The following PTGER3 variants were observed in gnomAD, a reference collection of about 807,000 sequenced individuals.
The protein encoded by PTGER3 is prostaglandin E2 receptor EP3 subtype.
PTGER3 carries 22 observed loss-of-function variants against 34.7 expected under a neutral mutation model. The ratio of observed to expected loss-of-function variants is 0.63; its 90% CI spans 0.45 to 0.91. The LOEUF is 0.91. PTGER3 is among the 40% of genes least tolerant of loss of function. The pLI is 0.00. For missense variants in PTGER3, 468 were observed against 519.4 expected (o/e 0.90, Z 0.96); for synonymous variants, 241 against 230.1 (o/e 1.05, Z -0.43).
chr1:70,938,206 A>G (rs1461615498), intron 4 of PTGER3, among the ~76,000 whole-genome samples: 1 of 152,218 alleles, frequency 6.6e-6, no homozygotes, highest in Non-Finnish European at 1.5e-5. Context: ...GAAGAGCATC[A>G]GAAGCTAATA....
intron 4 of PTGER3, among the ~76,000 whole-genome samples, chr1:70,943,320 T>C (rs1181907041): frequency 6.6e-6 from 1 of 152,190 alleles, no homozygotes; most frequent in Non-Finnish European, 1.5e-5. Flanking sequence ...TTGTCTACTT[T>C]CTTTACATAT....
chr1:70,911,942 T>C (rs1025777390), intron 4 of PTGER3, among the ~76,000 whole-genome samples: 1 of 152,144 alleles, frequency 6.6e-6, no homozygotes, highest in Non-Finnish European at 1.5e-5. Flanking sequence ...TTTTTTGTAC[T>C]TTCGTGATCC....
rs553566210 is a variant in PTGER3, at chr1:71,016,060, G to A, written c.898-3576C>T. On this transcript the variant is annotated intron_variant, in intron 1 of 3. Transcript: ENST00000306666. ...TGATCCTCCTGCCTCAGCCTCCCGAGATGCTGGGATTACAGGTATATGCCA... is the reference window on the plus strand; with the variant it reads ...TGATCCTCCTGCCTCAGCCTCCCGAAATGCTGGGATTACAGGTATATGCCA... Among the ~76,000 whole-genome samples the A allele has an allele frequency of 5.3e-4, 81 of 152,266 alleles. No homozygotes were observed. In the South Asian group the frequency reaches 0.014, roughly 26 times the overall value.
intron 2 of PTGER3, chr1:71,009,105 T>C: frequency 2.0e-6 from 2 of 985,028 alleles, no homozygotes; most frequent in Non-Finnish European, 2.4e-6. Context: ...AAGAACAAAA[T>C]TATAAAAAGC....
intron 4 of PTGER3, among the ~76,000 whole-genome samples, chr1:70,894,309 C>CAAA (rs35974984): frequency 0.18 from 8,357 of 46,506 alleles, 661 homozygotes; most frequent in Non-Finnish European, 0.2. Flanking sequence ...AACTCCATCT[C>CAAA]AAAAAAAAAA....
At chr1:71,024,557 G>A (rs943718558) in intron 1 of PTGER3, among the ~76,000 whole-genome samples, 3 of 151,930 alleles carry the variant, frequency 2.0e-5, no homozygotes, top group African/African-American at 7.2e-5. Flanking sequence ...ATGAGAGCAA[G>A]GGTATAGTGC....
intron 4 of PTGER3, among the ~76,000 whole-genome samples, chr1:70,879,959 G>T (rs570828457): frequency 2.3e-4 from 35 of 152,118 alleles, no homozygotes; most frequent in South Asian, 4.2e-4. Context: ...TGGGCGTGGT[G>T]GTGCGTACCT....
chr1:70,976,501 T>A (rs1414562753), intron 2 of PTGER3, among the ~76,000 whole-genome samples: 2 of 152,122 alleles, frequency 1.3e-5, no homozygotes, highest in Admixed American at 1.3e-4. Flanking sequence ...CTCCAAAAAA[T>A]AAATTCCATT....
intron 4 of PTGER3, among the ~76,000 whole-genome samples, chr1:70,939,467 C>T (rs562984718): frequency 6.6e-6 from 1 of 152,352 alleles, no homozygotes; most frequent in South Asian, 2.1e-4. Context: ...TGTGTGGGGG[C>T]TCTGACCCCA....
intron 2 of PTGER3, among the ~76,000 whole-genome samples, chr1:71,000,418 A>T (rs370114812): frequency 2.6e-5 from 4 of 152,316 alleles, no homozygotes; most frequent in South Asian, 4.1e-4. Context: ...CATTATCACC[A>T]GTTCAAATTT....
chr1:70,949,698 A>G (rs560280300), downstream of PTGER3, among the ~76,000 whole-genome samples: 65 of 152,272 alleles, frequency 4.3e-4, no homozygotes, highest in Non-Finnish European at 8.7e-4. Flanking sequence ...CTAGATACTG[A>G]CGCTGGCACA....
At chr1:70,872,323 A>G (rs1362081659) in intron 4 of PTGER3, among the ~76,000 whole-genome samples, 2 of 152,156 alleles carry the variant, frequency 1.3e-5, no homozygotes, top group African/African-American at 4.8e-5. Context: ...TAAATCTTGT[A>G]AACAGTTGTG....
chr1:70,967,918 C>T (rs1652692569), downstream of PTGER3, among the ~76,000 whole-genome samples: 2 of 152,158 alleles, frequency 1.3e-5, no homozygotes, highest in South Asian at 4.1e-4. Flanking sequence ...CTCTACTTTT[C>T]TCTTCCCTCC....
chr1:70,878,626 T>TA (rs1235501505), intron 4 of PTGER3, among the ~76,000 whole-genome samples: 10 of 152,126 alleles, frequency 6.6e-5, no homozygotes, highest in Non-Finnish European at 1.2e-4. Context: ...ACTTCCCCCT[T>TA]AACACTTCCT....
At chr1:71,022,155 A>G (rs1169913626) in intron 1 of PTGER3, among the ~76,000 whole-genome samples, 1 of 151,916 alleles carries the variant, frequency 6.6e-6, no homozygotes, top group Non-Finnish European at 1.5e-5. Context: ...TTTAAAAAGC[A>G]TTACATTTAG....
chr1:70,939,093 A>T lies in PTGER3; in HGVS notation c.*23+14670T>A, dbSNP rs113681775. ...TAGATACAATAGGGGTACAAGTATTAGATAAATACAGCCATTCCAAATGGG... is the reference window on the plus strand; with the variant it reads ...TAGATACAATAGGGGTACAAGTATTTGATAAATACAGCCATTCCAAATGGG... On this transcript the variant is annotated intron_variant, in intron 4 of 4. Coordinates refer to the PTGER3 transcript ENST00000370931. Among the ~76,000 whole-genome samples, 477 of 152,318 alleles carry T rather than the reference A, an allele frequency of 3.1e-3. 4 individuals carry two copies. Among genetic ancestry groups the T allele is most frequent in the African/African-American group, 0.011 (463 of 41,578 alleles).
chr1:70,866,328 A>G (rs17131467), intron 4 of PTGER3, among the ~76,000 whole-genome samples: 22,671 of 152,118 alleles, frequency 0.15, 2,021 homozygotes, highest in African/African-American at 0.25. Flanking sequence ...TTTTCCAAAT[A>G]ACCCATGTTG....
chr1:70,936,016 C>T (rs111672775), intron 4 of PTGER3, among the ~76,000 whole-genome samples: 13,948 of 152,068 alleles, frequency 0.092, 783 homozygotes, highest in African/African-American at 0.14. Flanking sequence ...TGCACCAATA[C>T]GTAACAAGTT....
chr1:70,869,172 A>G (rs770940815), intron 4 of PTGER3: 67 of 409,178 alleles, frequency 1.6e-4, no homozygotes, highest in Non-Finnish European at 2.9e-4. Flanking sequence ...AGAGCAAGAG[A>G]GACTGTATGT....
Sources: allele counts gnomAD v4.1 joint callset (sites outside exome capture counted in the v4.1 genomes callset), GRCh38; gene constraint gnomAD v4.1.1; transcripts MANE v1.5; gene names NCBI Gene and HGNC (gene_info 2026-07-23, HGNC 2026-07-21).